The following BPTF variants were observed in gnomAD, a reference collection of about 807,000 sequenced individuals.
BPTF encodes the protein bromodomain PHD finger transcription factor.
A neutral mutation model predicts 292.5 loss-of-function variants in BPTF; 18 were observed. That is an observed-to-expected ratio of 0.06 (90% CI 0.04 to 0.09). The LOEUF (loss-of-function observed/expected upper bound fraction) is 0.09. Ranked by LOEUF, BPTF falls within the 10% of genes least tolerant of loss-of-function variation. The probability of loss-of-function intolerance (pLI) is 1.00; values close to 1 mark genes in which losing one functional copy is unlikely to be tolerated. For synonymous variants in BPTF, 1,225 were observed against 1,251.9 expected, an observed-to-expected ratio of 0.98 and a Z score of 0.45; for missense variants, 2,726 against 3,498.7, an observed-to-expected ratio of 0.78 and a Z score of 5.57.
At chr17:67,907,161 G>A (rs1268068076) in intron 9 of BPTF, among the ~76,000 whole-genome samples, 1 of 149,614 alleles carries the variant, frequency 6.7e-6, no homozygotes, top group Admixed American at 6.7e-5. Context: ...CTCCAGCCTG[G>A]GTGACAGAGC....
At chr17:67,981,786 G>GA (rs2070388895) in intron 27 of BPTF, 2 of 941,056 alleles carry the variant, frequency 2.1e-6, no homozygotes, top group African/African-American at 3.6e-5. Context: ...GACTTTAATA[G>GA]AAAAATGTGA....
chr17:67,862,718 AT>A (rs1166390493), intron 2 of BPTF, among the ~76,000 whole-genome samples: 6 of 152,276 alleles, frequency 3.9e-5, no homozygotes, highest in Middle Eastern at 3.4e-3. Context: ...AACAGTAGAA[AT>A]TGATTATTTA....
intron 3 of BPTF, among the ~76,000 whole-genome samples, chr17:67,871,441 CA>C (rs751011017): frequency 0.026 from 2,074 of 80,114 alleles, 7 homozygotes; most frequent in Non-Finnish European, 0.036. Flanking sequence ...ACTTTGTCTC[CA>C]AAAAAAAAAA....
chr17:67,931,857 AT>A, intron 17 of BPTF, 53 bp from the exon 18 acceptor site: 1 of 1,360,546 alleles, frequency 7.3e-7, no homozygotes. Flanking sequence ...TAAGTCCATT[AT>A]ACTTTAATCT....
At chr17:67,968,422 T>C (rs1194653271) in intron 26 of BPTF, among the ~76,000 whole-genome samples, 3 of 151,620 alleles carry the variant, frequency 2.0e-5, no homozygotes, top group Non-Finnish European at 4.4e-5. Context: ...CTGGGATGTT[T>C]ACTAAAATAA....
intron 4 of BPTF, among the ~76,000 whole-genome samples, chr17:67,890,972 A>G (rs2061069606): frequency 6.6e-6 from 1 of 152,158 alleles, no homozygotes; most frequent in Non-Finnish European, 1.5e-5. Context: ...TTTAGAATGT[A>G]TACAAATTTT....
chr17:67,936,572 T>C (rs184573753), intron 18 of BPTF: 2 of 152,280 alleles, frequency 1.3e-5, no homozygotes, highest in Non-Finnish European at 2.9e-5. Flanking sequence ...CACTCTCTTC[T>C]CCAGGGTTTT....
chr17:67,978,511 C>T (rs1303605017), intron 27 of BPTF, among the ~76,000 whole-genome samples: 1 of 151,088 alleles, frequency 6.6e-6, no homozygotes, highest in African/African-American at 2.4e-5. Context: ...GTTGACCAAG[C>T]CGGTCTCAAA....
At chr17:67,846,372 T>C (rs1439757200) in intron 1 of BPTF, among the ~76,000 whole-genome samples, 2 of 152,188 alleles carry the variant, frequency 1.3e-5, no homozygotes, top group Non-Finnish European at 2.9e-5. Context: ...ACTTCACTTA[T>C]TGTGTGGTAG....
chr17:67,942,809 A>G (rs1382763719), intron 19 of BPTF, among the ~76,000 whole-genome samples: 2 of 152,250 alleles, frequency 1.3e-5, no homozygotes, highest in African/African-American at 4.8e-5. Flanking sequence ...ACACAGAACT[A>G]TGCAGATGAT....
chr17:67,949,674 T>C (rs1180227964), intron 23 of BPTF, among the ~76,000 whole-genome samples: 8 of 27,988 alleles, frequency 2.9e-4, no homozygotes, highest in African/African-American at 3.1e-4. Flanking sequence ...TATATATATA[T>C]ACACACAGAC....
rs782531967 is a variant in BPTF at position 67,946,275 on chromosome 17, C to T, written c.7567C>T (p.Arg2523Cys). ...KKKQQQIEIK[R>C]EHTLQASNQS... ...GAAACAGCAACAGATAGAAATTAAG[C>T]GTGAACACACCCTCCAAGCTTCTAA... The change falls in exon 21 of 28, where the codon CGT (arginine) becomes TGT (cysteine). Residue 2523 changes from arginine to cysteine, a missense_variant. Arg to Cys is a radical substitution (Grantham distance 180, BLOSUM62 -3). Around this residue, in one of 22 missense-constraint regions of BPTF, gnomAD observed 570 missense variants for 633.5 expected, o/e 0.90. Coordinates refer to ENST00000306378, the MANE Select transcript of BPTF (RefSeq NM_182641.4). 1.7e-5 allele frequency: 28 copies of T among 1,613,948 alleles called. No individual in the cohort carries two copies. Among genetic ancestry groups the T allele is most frequent in the Middle Eastern group, 1.6e-4 (1 of 6,084 alleles).
chr17:67,904,915 T>C (rs1446151412), intron 9 of BPTF, 75 bp downstream of exon 9: 1 of 1,215,514 alleles, frequency 8.2e-7, no homozygotes, highest in East Asian at 2.6e-5. Context: ...GTATTTTGAC[T>C]ATATTTTAGA....
chr17:67,922,726 G>A, intron 13 of BPTF, 114 bp from the exon 14 acceptor site: 1 of 1,145,778 alleles, frequency 8.7e-7, no homozygotes. Flanking sequence ...CTGCAGCAGA[G>A]ACCATCTGGC....
chr17:67,982,387 C>A lies in BPTF; in HGVS notation c.*99C>A. 1 of 1,155,582 alleles carries A rather than the reference C, an allele frequency of 8.7e-7. No homozygotes were observed. Among genetic ancestry groups the A allele is most frequent in the Non-Finnish European group, 1.3e-6 (1 of 791,472 alleles). 71.6% of individuals were successfully genotyped at this position (1,155,582 alleles called of 1,614,324 possible). On this transcript the variant is annotated 3_prime_UTR_variant, in exon 28 of 28. Transcript: ENST00000306378. ...GATGTTTTTAGTCAGGCTATCCTGA[C>A]AAGACTTGACCTAAACTTCGTTTTT...
intron 14 of BPTF, among the ~76,000 whole-genome samples, 179 bp downstream of exon 14, chr17:67,923,169 C>T (rs2063576815): frequency 6.6e-6 from 1 of 151,506 alleles, no homozygotes; most frequent in African/African-American, 2.4e-5. Context: ...GATCCTCCCA[C>T]CTCAGCCTCC....
chr17:67,955,911 G>C lies in BPTF; in HGVS notation c.7927-3630G>C, dbSNP rs1422225776. The C allele has an allele frequency of 5.9e-5, 9 of 152,082 alleles. 1 individual carries two copies. Among genetic ancestry groups the C allele is most frequent in the Admixed American group, 5.9e-4 (9 of 15,250 alleles). 9.4% of individuals were successfully genotyped at this position (152,082 alleles called of 1,614,324 possible). A position where few individuals can be genotyped will look rare whatever the true frequency, so the allele number is the denominator to read the frequency against. Reference sequence around the variant, plus strand: ...GCCTGTAATCCAAGCACTCTAGAAGGCTGAGGCGGGTGGATCAGTTGAGGC... The same window carrying C: ...GCCTGTAATCCAAGCACTCTAGAAGCCTGAGGCGGGTGGATCAGTTGAGGC... On this transcript the variant is annotated intron_variant, in intron 23 of 27. Transcript: ENST00000306378.
At chr17:67,890,383 C>T (rs560495082) in intron 4 of BPTF, among the ~76,000 whole-genome samples, 14 of 152,262 alleles carry the variant, frequency 9.2e-5, no homozygotes, top group East Asian at 5.8e-4. Context: ...CTGTTATCAA[C>T]GGTTTTCTCC....
intron 2 of BPTF, among the ~76,000 whole-genome samples, chr17:67,855,618 G>A (rs2058642897): frequency 6.6e-6 from 1 of 152,150 alleles, no homozygotes; most frequent in African/African-American, 2.4e-5. Context: ...GCCTGTGGGC[G>A]AGGTCAGGAG....
Sources: allele counts gnomAD v4.1 joint callset (sites outside exome capture counted in the v4.1 genomes callset), GRCh38; gene constraint gnomAD v4.1.1; regional missense constraint gnomAD v4.1.1; transcripts MANE v1.5; gene names NCBI Gene and HGNC (gene_info 2026-07-23, HGNC 2026-07-21).